MPPED2: variants seen among roughly 807,000 people sequenced by gnomAD.
MPPED2 encodes the protein metallophosphoesterase MPPED2.
A neutral mutation model predicts 33.0 loss-of-function variants in MPPED2; 5 were observed. The ratio of observed to expected loss-of-function variants is 0.15; its 90% confidence interval spans 0.08 to 0.32. The LOEUF is 0.32. MPPED2 is among the 10% of genes least tolerant of loss of function. The probability of loss-of-function intolerance (pLI) is 1.00; values close to 1 mark genes in which losing one functional copy is unlikely to be tolerated. For missense variants in MPPED2, 275 were observed against 372.1 expected (o/e 0.74, Z 2.15); for synonymous variants, 136 against 141.9 (o/e 0.96, Z 0.29).
At chr11:30,501,513 G>T in intron 3 of MPPED2, 2 of 389,430 alleles carry the variant, frequency 5.1e-6, no homozygotes, top group Non-Finnish European at 7.0e-6. Flanking sequence ...ACAACTTTTT[G>T]CCTCCTTCTC....
chr11:30,449,007 T>C (rs1949936154), intron 4 of MPPED2, among the ~76,000 whole-genome samples: 1 of 152,230 alleles, frequency 6.6e-6, no homozygotes, highest in Non-Finnish European at 1.5e-5. Flanking sequence ...GTACTTACCA[T>C]AATTCATAAC....
Position 30,414,220 on chromosome 11 carries a change from GT to G in MPPED2, c.766+7del. On this transcript the variant is annotated splice_region_variant and intron_variant, in intron 6 of 6. Transcript: ENST00000358117. ...AAAATGTTTTGAATTCTTTTCCGCT[GT>G]TCTTACCTTCATGGATTCCACCAAA... 2.5e-6 allele frequency: 4 copies of G among 1,597,944 alleles called. No homozygotes were observed. Among genetic ancestry groups the G allele is most frequent in the Middle Eastern group, 3.3e-4 (2 of 6,032 alleles).
chr11:30,473,612 G>C (rs771300148), intron 4 of MPPED2, among the ~76,000 whole-genome samples: 2 of 151,838 alleles, frequency 1.3e-5, no homozygotes, highest in Non-Finnish European at 2.9e-5. Flanking sequence ...GTGTGGATAT[G>C]AGCTGGACCT....
chr11:30,468,013 C>A (rs1453652578), intron 4 of MPPED2, among the ~76,000 whole-genome samples: 1 of 7,978 alleles, frequency 1.3e-4, no homozygotes, highest in East Asian at 0.083. Flanking sequence ...CCCCAGAGGC[C>A]CCCCGATGCA....
intron 2 of MPPED2, among the ~76,000 whole-genome samples, chr11:30,564,077 T>G (rs1854185884): frequency 6.6e-6 from 1 of 152,202 alleles, no homozygotes; most frequent in Admixed American, 6.5e-5. Flanking sequence ...GCTAACTCCC[T>G]CTTGCTACTA....
intron 3 of MPPED2, among the ~76,000 whole-genome samples, chr11:30,522,383 AACATACACAC>A (rs1565150474): frequency 1.1e-5 from 1 of 87,500 alleles, no homozygotes; most frequent in Non-Finnish European, 2.3e-5. Flanking sequence ...GCTTCAGGAA[AACATACACAC>A]ACACACACAC....
At chr11:30,500,480 G>A (rs1044060749) in intron 3 of MPPED2, among the ~76,000 whole-genome samples, 2 of 152,126 alleles carry the variant, frequency 1.3e-5, no homozygotes, top group East Asian at 1.9e-4. Context: ...AACTGTGGAC[G>A]CAGCATGGGG....
At chr11:30,446,998 G>A (rs1206113399) in intron 4 of MPPED2, among the ~76,000 whole-genome samples, 3 of 152,210 alleles carry the variant, frequency 2.0e-5, no homozygotes, top group Non-Finnish European at 4.4e-5. Context: ...GGGAAGGAGG[G>A]ATGGAGGGAA....
At chr11:30,558,692 GA>G (rs773070502) in intron 2 of MPPED2, among the ~76,000 whole-genome samples, 1 of 151,754 alleles carries the variant, frequency 6.6e-6, no homozygotes, top group Non-Finnish European at 1.5e-5. Flanking sequence ...AAAGTGCTGG[GA>G]TTACAGGCAG....
chr11:30,485,696 G>C (rs983180576), intron 4 of MPPED2, among the ~76,000 whole-genome samples: 1 of 152,172 alleles, frequency 6.6e-6, no homozygotes, highest in African/African-American at 2.4e-5. Context: ...TTTAAGGGAA[G>C]AGAGAATTAG....
chr11:30,580,555 A>T (rs148198759), intron 1 of MPPED2, 61 bp from the exon 2 acceptor site: 2 of 1,384,926 alleles, frequency 1.4e-6, no homozygotes, highest in Non-Finnish European at 1.9e-6. Flanking sequence ...GTTCTAAGAG[A>T]CATAAATTTA....
intron 4 of MPPED2, among the ~76,000 whole-genome samples, chr11:30,447,660 C>A (rs1000120667): frequency 6.6e-6 from 1 of 152,068 alleles, no homozygotes; most frequent in East Asian, 1.9e-4. Context: ...AACGGGCATA[C>A]GAAAGAGAGT....
chr11:30,513,069 T>TATCCTGAAAGATTTA (rs1953320092), intron 3 of MPPED2, among the ~76,000 whole-genome samples: 1 of 152,060 alleles, frequency 6.6e-6, no homozygotes, highest in Admixed American at 6.6e-5. Context: ...TTCTGTTCTC[T>TATCCTGAAAGATTTA]AGGTCTGAGT....
chr11:30,497,553 A>C (rs1468102000), intron 3 of MPPED2, among the ~76,000 whole-genome samples: 1 of 152,126 alleles, frequency 6.6e-6, no homozygotes, highest in African/African-American at 2.4e-5. Flanking sequence ...ACTCACTGTA[A>C]ACCCTTTCAT....
At chr11:30,502,611 T>A (rs956459360) in intron 3 of MPPED2, among the ~76,000 whole-genome samples, 2 of 152,186 alleles carry the variant, frequency 1.3e-5, no homozygotes, top group Non-Finnish European at 1.5e-5. Context: ...AAAAACTTGT[T>A]GCTACAATTA....
chr11:30,526,908 A>AT (rs1012973064), intron 3 of MPPED2, among the ~76,000 whole-genome samples: 2 of 151,046 alleles, frequency 1.3e-5, no homozygotes, highest in East Asian at 3.9e-4. Context: ...TATTTTTTTA[A>AT]TTTTTTATTT....
At chr11:30,526,749 A>T (rs898613709) in intron 3 of MPPED2, among the ~76,000 whole-genome samples, 3 of 151,592 alleles carry the variant, frequency 2.0e-5, no homozygotes, top group Admixed American at 6.6e-5. Flanking sequence ...ATTAGATATG[A>T]CTGTTAGGTA....
At position 30,428,605 on chromosome 11, in the gene MPPED2, G is replaced by T. The variant is rs529812046; in HGVS notation, c.537-10972C>A. Among the ~76,000 whole-genome samples, 11 of 152,310 alleles carry T rather than the reference G, an allele frequency of 7.2e-5. No individual in the cohort carries two copies. The South Asian group carries it at 1.2e-3, about 17-fold the overall frequency. On this transcript the variant is annotated intron_variant, in intron 4 of 6. Transcript: ENST00000358117. ...TTGGCATGAACCAGAACTTTGTAGTGCAATGATTAAGTTAAGAGGGTTAGA... is the reference window on the plus strand; with the variant it reads ...TTGGCATGAACCAGAACTTTGTAGTTCAATGATTAAGTTAAGAGGGTTAGA...
chr11:30,404,059 T>C (rs528436949), intron 6 of MPPED2, among the ~76,000 whole-genome samples: 1 of 152,306 alleles, frequency 6.6e-6, no homozygotes, highest in South Asian at 2.1e-4. Context: ...CTAGTAGCCA[T>C]ACCCAGAAGA....
Sources: gnomAD v4.1 joint callset for allele counts (sites outside exome capture counted in the v4.1 genomes callset) on GRCh38, gnomAD v4.1.1 for gene constraint, MANE v1.5 for transcripts, NCBI Gene and HGNC (gene_info 2026-07-23, HGNC 2026-07-21) for gene names.